Variants in NCKAP1 observed in about 807,000 individuals in gnomAD.
The protein encoded by NCKAP1 is NCK associated protein 1.
In NCKAP1, 21 loss-of-function variants were observed where a neutral mutation model predicts 151.2. That is an observed-to-expected ratio of 0.14 (90% CI 0.10 to 0.20). NCKAP1 has a LOEUF of 0.20. Ranked by LOEUF, NCKAP1 falls within the 10% of genes least tolerant of loss-of-function variation. The probability of loss-of-function intolerance (pLI) is 1.00; values close to 1 mark genes in which losing one functional copy is unlikely to be tolerated. For missense variants in NCKAP1, 933 were observed against 1,352.1 expected (o/e 0.69, Z 4.86); for synonymous variants, 484 against 451.8 (o/e 1.07, Z -0.90).
intron 13 of NCKAP1, among the ~76,000 whole-genome samples, chr2:182,979,462 T>A (rs1455894577): frequency 6.6e-6 from 1 of 152,118 alleles, no homozygotes; most frequent in Non-Finnish European, 1.5e-5. Context: ...TTTGATAAAC[T>A]GTATTTAAAG....
intron 2 of NCKAP1, among the ~76,000 whole-genome samples, 172 bp from the exon 3 acceptor site, chr2:183,003,497 G>A (rs1698410990): frequency 6.6e-6 from 1 of 152,022 alleles, no homozygotes; most frequent in Non-Finnish European, 1.5e-5. Context: ...TGCTAATAGT[G>A]ATCAGCAACT....
intron 23 of NCKAP1, among the ~76,000 whole-genome samples, chr2:182,951,005 G>C (rs1697203211): frequency 6.6e-6 from 1 of 151,852 alleles, no homozygotes; most frequent in Non-Finnish European, 1.5e-5. Flanking sequence ...GCTAATTTTT[G>C]TATTTTCAGT....
intron 15 of NCKAP1, among the ~76,000 whole-genome samples, chr2:182,969,777 A>G (rs1697648873): frequency 6.6e-6 from 1 of 152,108 alleles, no homozygotes; most frequent in Non-Finnish European, 1.5e-5. Flanking sequence ...GCAGAAGGAG[A>G]TAAGTAATAA....
At chr2:182,941,426 C>G (rs1219076611) in intron 24 of NCKAP1, among the ~76,000 whole-genome samples, 1 of 152,102 alleles carries the variant, frequency 6.6e-6, no homozygotes, top group East Asian at 1.9e-4. Flanking sequence ...AAACAAATTA[C>G]TGATCACTTA....
intron 23 of NCKAP1, among the ~76,000 whole-genome samples, chr2:182,943,908 T>C (rs1697047509): frequency 6.6e-6 from 1 of 152,212 alleles, no homozygotes; most frequent in South Asian, 2.1e-4. Context: ...TATGTCTCAC[T>C]TTAAAATCCA....
At chr2:182,952,306 G>T in intron 23 of NCKAP1, 99 bp downstream of exon 23, 1 of 703,060 alleles carries the variant, frequency 1.4e-6, no homozygotes, top group Non-Finnish European at 2.2e-6. Flanking sequence ...CTTTCATGTT[G>T]GATTAAAATA....
intron 1 of NCKAP1, among the ~76,000 whole-genome samples, chr2:183,027,717 G>A (rs1162094722): frequency 6.6e-6 from 1 of 151,856 alleles, no homozygotes; most frequent in Admixed American, 6.6e-5. Context: ...AAAACTTTAA[G>A]GTTTCCTACC....
chr2:182,929,153 G>GT (rs2105798626), intron 27 of NCKAP1, among the ~76,000 whole-genome samples: 2 of 151,812 alleles, frequency 1.3e-5, no homozygotes, highest in African/African-American at 4.8e-5. Flanking sequence ...AAACAGTAAG[G>GT]TAAGATTTTA....
At position 182,924,527 on chromosome 2, in the gene NCKAP1, T is replaced by C. The variant is rs1272459857; in HGVS notation, c.*1175A>G. The stretch of plus-strand genomic sequence containing the variant: ...CTTTTATGTCTTTCCCATTCATTAC[T>C]GACTAATGCAGCAGTTCTCAACATT... On this transcript the variant is annotated 3_prime_UTR_variant, in exon 31 of 31. Coordinates refer to ENST00000361354, the MANE Select transcript of NCKAP1 (RefSeq NM_013436.5). 3 of 152,206 alleles carry C rather than the reference T, an allele frequency of 2.0e-5. No homozygotes were observed. Among genetic ancestry groups the C allele is most frequent in the Non-Finnish European group, 4.4e-5 (3 of 68,016 alleles). The allele number at this position is 152,206 out of a possible 1,614,324, so 9.4% of individuals were successfully genotyped here. A position where few individuals can be genotyped will look rare whatever the true frequency, so the allele number is the denominator to read the frequency against.
chr2:183,021,444 T>TA (rs1252750697), intron 2 of NCKAP1, among the ~76,000 whole-genome samples: 1 of 151,874 alleles, frequency 6.6e-6, no homozygotes, highest in African/African-American at 2.4e-5. Flanking sequence ...GATAAAAAAT[T>TA]AAAAAAAATT....
At position 182,953,344 on chromosome 2, in the gene NCKAP1, G is replaced by A; in HGVS notation, c.2154-13C>T. The A allele has an allele frequency of 6.4e-7, 1 of 1,572,982 alleles. No homozygotes were observed. Among genetic ancestry groups the A allele is most frequent in the Non-Finnish European group, 8.7e-7 (1 of 1,152,474 alleles). ...CCCAACAATTGACCTGGGAAGAAGG[G>A]ATAGAAGAATAAGAAAAGCCTCTGA... On this transcript the variant is annotated splice_polypyrimidine_tract_variant and intron_variant, in intron 20 of 30. Coordinates refer to ENST00000361354, the MANE Select transcript of NCKAP1 (RefSeq NM_013436.5).
At chr2:182,986,297 A>T (rs1384886988) in intron 9 of NCKAP1, 70 bp from the exon 10 acceptor site, 10 of 1,220,562 alleles carry the variant, frequency 8.2e-6, no homozygotes, top group Non-Finnish European at 1.1e-5. Context: ...TAAGTCTAAT[A>T]CTAGAAGTCA....
At chr2:183,008,055 T>C (rs1698514055) in intron 2 of NCKAP1, among the ~76,000 whole-genome samples, 1 of 152,072 alleles carries the variant, frequency 6.6e-6, no homozygotes, top group Non-Finnish European at 1.5e-5. Context: ...GCCTCCCGAG[T>C]AGCTGGGATT....
At chr2:182,954,263 A>AAT (rs76138095) in intron 20 of NCKAP1, among the ~76,000 whole-genome samples, 81 of 152,144 alleles carry the variant, frequency 5.3e-4, no homozygotes, top group African/African-American at 1.9e-3. Context: ...TAGCATATAA[A>AAT]ACAGTTCTGT....
intron 2 of NCKAP1, among the ~76,000 whole-genome samples, chr2:183,016,710 G>A (rs890069578): frequency 3.9e-5 from 6 of 152,194 alleles, no homozygotes; most frequent in South Asian, 2.1e-4. Flanking sequence ...AGATGAGTGC[G>A]TGGTCCAGGA....
Position 182,925,491 on chromosome 2 carries a change from T to G in NCKAP1, c.*211A>C, listed in dbSNP as rs186667499. 4.2e-4 allele frequency: 136 copies of G among 320,852 alleles called. 1 individual carries two copies. In the East Asian group the frequency reaches 5.0e-3, roughly 12 times the overall value. The allele number at this position is 320,852 out of a possible 1,614,324, so 19.9% of individuals were successfully genotyped here. The stretch of plus-strand genomic sequence containing the variant: ...TGATACTTTAAAATTATAGGAATAA[T>G]CTCAGTGAATTCAGTGAATGTGCAA... On this transcript the variant is annotated 3_prime_UTR_variant, in exon 31 of 31. Transcript: ENST00000361354.
At chr2:182,941,132 A>AT (rs987147508) in intron 24 of NCKAP1, among the ~76,000 whole-genome samples, 19 of 149,226 alleles carry the variant, frequency 1.3e-4, no homozygotes, top group African/African-American at 2.2e-4. Flanking sequence ...TTGGGATTTC[A>AT]TTTTTTTTTT....
intron 2 of NCKAP1, among the ~76,000 whole-genome samples, chr2:183,004,826 G>A (rs1177747360): frequency 2.0e-5 from 3 of 150,020 alleles, no homozygotes; most frequent in Non-Finnish European, 3.0e-5. Flanking sequence ...GGAGGCTGCA[G>A]TAAGCTTAGA....
chr2:183,013,774 A>G (rs1698633173), intron 2 of NCKAP1, among the ~76,000 whole-genome samples: 1 of 152,154 alleles, frequency 6.6e-6, no homozygotes, highest in Non-Finnish European at 1.5e-5. Context: ...CCTATTCATT[A>G]CAACCACTGG....
Sources: allele counts gnomAD v4.1 joint callset (sites outside exome capture counted in the v4.1 genomes callset), GRCh38; gene constraint gnomAD v4.1.1; transcripts MANE v1.5; gene names NCBI Gene and HGNC (gene_info 2026-07-23, HGNC 2026-07-21).